The following SCML2 variants were observed in gnomAD, a reference collection of about 807,000 sequenced individuals.
The protein encoded by SCML2 is Scm polycomb group protein like 2, also known as sex comb on midleg-like protein 2.
In SCML2, 6 loss-of-function variants were observed where a neutral mutation model predicts 48.4. The observed-to-expected ratio is 0.12, with a 90% CI of 0.07 to 0.24. The LOEUF is 0.24. Ranked by LOEUF, SCML2 falls within the 10% of genes least tolerant of loss-of-function variation. SCML2 has a pLI of 1.00. For synonymous variants in SCML2, 181 were observed against 189.5 expected (o/e 0.95, Z 0.37); for missense variants, 377 against 528.2 (o/e 0.71, Z 2.81).
rs1393411349 is a variant in SCML2, at chrX:18,324,898, T to C, written c.162+9A>G. The stretch of plus-strand genomic sequence containing the variant: ...TACATTAACTAACAGCTACAGAATC[T>C]TGGCATACCTGACGGAAGCACTCTG... On this transcript the variant is annotated intron_variant, in intron 4 of 14. Coordinates refer to ENST00000251900, the MANE Select transcript of SCML2 (RefSeq NM_006089.3). The C allele has an allele frequency of 4.3e-6, 5 of 1,163,787 alleles. No individual in the cohort carries two copies. The highest frequency in any genetic ancestry group is 3.6e-5 in the African/African-American group (2 of 56,274).
chrX:18,251,656 A>C (rs748600930), intron 11 of SCML2, among the ~76,000 whole-genome samples: 2 of 112,144 alleles, frequency 1.8e-5, no homozygotes, highest in Non-Finnish European at 3.8e-5. Flanking sequence ...AAAAGGAAAA[A>C]TTGAAACTTT....
intron 1 of SCML2, 80 bp from the exon 2 acceptor site, chrX:18,334,175 A>T (rs1929739469): frequency 1.6e-6 from 1 of 629,969 alleles, no homozygotes; most frequent in Non-Finnish European, 2.4e-6. Flanking sequence ...ATAAGGCCAG[A>T]TCAATTTAAT....
At chrX:18,266,115 AC>A (rs1482839509) in intron 7 of SCML2, among the ~76,000 whole-genome samples, 1 of 111,349 alleles carries the variant, frequency 9.0e-6, no homozygotes, top group Non-Finnish European at 1.9e-5. Context: ...TATGGGAAGC[AC>A]AAAAAGGAGT....
At chrX:18,245,234 T>C (rs1328928963) in intron 13 of SCML2, among the ~76,000 whole-genome samples, 3 of 112,132 alleles carry the variant, frequency 2.7e-5, no homozygotes, top group Non-Finnish European at 5.6e-5. Context: ...AGCAATGTTA[T>C]TACTATTAGT....
intron 1 of SCML2, among the ~76,000 whole-genome samples, chrX:18,346,736 T>C (rs905253001): frequency 3.6e-5 from 4 of 112,288 alleles, no homozygotes; most frequent in Non-Finnish European, 7.5e-5. Flanking sequence ...AATAACACCT[T>C]TATGTTTTTA....
intron 7 of SCML2, among the ~76,000 whole-genome samples, chrX:18,293,065 T>G (rs747013833): frequency 8.9e-6 from 1 of 111,881 alleles, no homozygotes; most frequent in South Asian, 3.6e-4. Context: ...CTGCTTGCGA[T>G]AGTTGTATCC....
chrX:18,284,299 A>C (rs181521586), intron 7 of SCML2, among the ~76,000 whole-genome samples: 1 of 112,388 alleles, frequency 8.9e-6, no homozygotes, highest in East Asian at 2.8e-4. Flanking sequence ...GTAAGACCTC[A>C]AACTATAAAA....
intron 7 of SCML2, among the ~76,000 whole-genome samples, chrX:18,273,786 C>A (rs766667086): frequency 8.1e-4 from 90 of 110,895 alleles, no homozygotes; most frequent in Non-Finnish European, 1.5e-3. Flanking sequence ...CCTTACCCCC[C>A]ATCCTGTGCC....
intron 1 of SCML2, among the ~76,000 whole-genome samples, chrX:18,348,669 CAAGT>C (rs1243200994): frequency 9.0e-6 from 1 of 111,391 alleles, no homozygotes; most frequent in African/African-American, 3.3e-5. Flanking sequence ...GAAACTCTAT[CAAGT>C]TAGTTAAAAA....
In SCML2 at chrX:18,305,069, T is replaced by C. The variant is rs761281184; in HGVS notation, c.633A>G (p.Gly211=). The change falls in exon 7 of 15, where the codon GGA becomes GGG. Residue 211 remains glycine, a synonymous_variant. Transcript: ENST00000251900. ...CATACTTGCACCAGTAATCAAAAGC[T>C]CCACTCCAGCCATCAAATGTGATAT... is the stretch of plus-strand genomic sequence containing the variant. ...EVHITFDGWS[G]AFDYWCKYDS... 2 of 1,209,250 alleles carry C rather than the reference T, an allele frequency of 1.7e-6. No homozygotes were observed. Among genetic ancestry groups the C allele is most frequent in the African/African-American group, 1.8e-5 (1 of 56,958 alleles).
At chrX:18,332,579 C>T (rs1016471469) in intron 2 of SCML2, among the ~76,000 whole-genome samples, 2 of 111,541 alleles carry the variant, frequency 1.8e-5, no homozygotes, top group African/African-American at 3.3e-5. Context: ...AATTTTTTGG[C>T]CAATAAAGAA....
At chrX:18,252,062 T>C (rs999262499) in intron 11 of SCML2, among the ~76,000 whole-genome samples, 1 of 111,871 alleles carries the variant, frequency 8.9e-6, no homozygotes, top group African/African-American at 3.3e-5. Flanking sequence ...TCACTTGAGG[T>C]CAGGAATTCG....
chrX:18,336,623 G>C (rs774159643), intron 1 of SCML2, among the ~76,000 whole-genome samples: 1 of 109,300 alleles, frequency 9.1e-6, no homozygotes, highest in Non-Finnish European at 1.9e-5. Flanking sequence ...TGTAGTCCCA[G>C]CTACTCTGGA....
intron 6 of SCML2, among the ~76,000 whole-genome samples, chrX:18,306,234 G>A (rs1928751374): frequency 9.0e-6 from 1 of 111,016 alleles, no homozygotes; most frequent in South Asian, 3.8e-4. Context: ...GTGCACTTGA[G>A]GTTGAGAACC....
chrX:18,344,395 G>T (rs1602153472), intron 1 of SCML2, among the ~76,000 whole-genome samples: 2 of 111,820 alleles, frequency 1.8e-5, no homozygotes, highest in East Asian at 5.6e-4. Context: ...TCAAATCGAG[G>T]TTTGTCAAAT....
At chrX:18,352,068 G>A (rs1930393511) in intron 1 of SCML2, among the ~76,000 whole-genome samples, 1 of 111,613 alleles carries the variant, frequency 9.0e-6, no homozygotes, top group Admixed American at 9.6e-5. Flanking sequence ...CATCTGGGAG[G>A]AACAGGCAGG....
intron 1 of SCML2, among the ~76,000 whole-genome samples, chrX:18,348,214 T>G (rs1814519911): frequency 8.9e-6 from 1 of 112,017 alleles, no homozygotes; most frequent in Non-Finnish European, 1.9e-5. Flanking sequence ...GGACTTGAGT[T>G]AATGGCAGGG....
intron 1 of SCML2, among the ~76,000 whole-genome samples, chrX:18,336,592 C>T (rs936512007): frequency 9.2e-6 from 1 of 108,688 alleles, no homozygotes; most frequent in Non-Finnish European, 1.9e-5. Flanking sequence ...AAAAAATCAG[C>T]CGGGCATGGT....
At chrX:18,298,801 C>CA (rs1242508751) in intron 7 of SCML2, among the ~76,000 whole-genome samples, 1 of 108,312 alleles carries the variant, frequency 9.2e-6, no homozygotes, top group Admixed American at 9.9e-5. Flanking sequence ...GCCTAGGTGA[C>CA]AGAGTGAGAC....
Sources: allele counts gnomAD v4.1 joint callset (sites outside exome capture counted in the v4.1 genomes callset), GRCh38; gene constraint gnomAD v4.1.1; transcripts MANE v1.5; gene names NCBI Gene and HGNC (gene_info 2026-07-23, HGNC 2026-07-21).